The following ANKRD18A variants were observed in gnomAD, a reference collection of about 807,000 sequenced individuals.
The protein encoded by ANKRD18A is ankyrin repeat domain-containing protein 18A.
Under a neutral mutation model 110.6 loss-of-function variants are expected in ANKRD18A, and 72 were observed. The observed-to-expected ratio is 0.65, with a 90% CI of 0.54 to 0.79. The LOEUF is 0.79. Ranked by LOEUF, ANKRD18A falls within the 30% of genes least tolerant of loss-of-function variation. The pLI, the probability that ANKRD18A is intolerant of heterozygous loss-of-function variation, is 0.00. For missense variants in ANKRD18A, 934 were observed against 1,163.3 expected, an observed-to-expected ratio of 0.80 and a Z score of 2.87; for synonymous variants, 305 against 410.3, an observed-to-expected ratio of 0.74 and a Z score of 3.10.
intron 7 of ANKRD18A, 24 bp from the exon 8 acceptor site, chr9:38,601,228 A>G: frequency 6.5e-7 from 1 of 1,536,370 alleles, no homozygotes. Context: ...ATGTTTAGTT[A>G]AAATGAATGA....
chr9:38,580,134 T>A (rs1311659772), intron 12 of ANKRD18A, among the ~76,000 whole-genome samples: 2 of 152,218 alleles, frequency 1.3e-5, no homozygotes, highest in African/African-American at 2.4e-5. Context: ...CTGGGCAACA[T>A]GGCTGATGCC....
In ANKRD18A at chr9:38,601,047, C is replaced by G. The variant is rs899453777; in HGVS notation, c.936+84G>C. 16 of 1,198,378 alleles carry G rather than the reference C, an allele frequency of 1.3e-5. No homozygotes were observed. The Admixed American group carries it at 1.7e-4, about 13-fold the overall frequency. The allele number at this position is 1,198,378 out of a possible 1,614,324, so 74.2% of individuals were successfully genotyped here. ...ATTCTAAAAGGATAGTCTAAAAGGT[C>G]ACTTCATTTGGCCTATGCTATGTTA... On this transcript the variant is annotated intron_variant, in intron 8 of 15. Transcript: ENST00000399703.
chr9:38,589,744 T>A lies in ANKRD18A; in HGVS notation c.2005-1081A>T, dbSNP rs2993194. Among the ~76,000 whole-genome samples the A allele has an allele frequency of 1.5e-3, 221 of 151,950 alleles. 1 individual carries two copies. The highest frequency in any genetic ancestry group is 4.9e-3 in the African/African-American group (205 of 41,506). On this transcript the variant is annotated intron_variant, in intron 10 of 15. Transcript: ENST00000399703. The stretch of plus-strand genomic sequence containing the variant: ...AGATGGTGTTTCACAATGTTGGCCA[T>A]GCTGGTATTGAACTCCTTACCACAT...
At chr9:38,583,999 G>T (rs1824269422) in intron 12 of ANKRD18A, among the ~76,000 whole-genome samples, 1 of 152,238 alleles carries the variant, frequency 6.6e-6, no homozygotes, top group Non-Finnish European at 1.5e-5. Flanking sequence ...TGCACTGGGG[G>T]GATGGGGTGG....
chr9:38,574,231 A>T (rs1427029740), intron 15 of ANKRD18A, among the ~76,000 whole-genome samples: 1 of 152,112 alleles, frequency 6.6e-6, no homozygotes, highest in African/African-American at 2.4e-5. Context: ...AAAGGACATG[A>T]TTTTATTCTT....
At chr9:38,588,082 T>TG (rs1262512854) in intron 11 of ANKRD18A, among the ~76,000 whole-genome samples, 20 of 152,310 alleles carry the variant, frequency 1.3e-4, no homozygotes, top group Admixed American at 9.1e-4. Flanking sequence ...AGCCAGACTC[T>TG]GTCTCAAAAG....
At chr9:38,572,277 T>C in intron 15 of ANKRD18A, 3 of 388,376 alleles carry the variant, frequency 7.7e-6, no homozygotes, top group South Asian at 6.5e-5. Flanking sequence ...ATTCATGTAC[T>C]CAACAGCCAC....
Position 38,620,328 on chromosome 9 carries a change from G to A in ANKRD18A, c.-43C>T. On this transcript the variant is annotated 5_prime_UTR_variant, in exon 1 of 16. Coordinates refer to ENST00000399703, the MANE Select transcript of ANKRD18A (RefSeq NM_147195.4). ...CGCCCACCACCCGCTCCTGAGCCGCGGCGGCTCCTCGTGGCCTTTCCACCC... is the reference window on the plus strand; with the variant it reads ...CGCCCACCACCCGCTCCTGAGCCGCAGCGGCTCCTCGTGGCCTTTCCACCC... The A allele has an allele frequency of 1.3e-6, 2 of 1,529,734 alleles. No individual in the cohort carries two copies. Among genetic ancestry groups the A allele is most frequent in the Non-Finnish European group, 8.8e-7 (1 of 1,134,646 alleles). The allele number at this position is 1,529,734 out of a possible 1,614,324, so 94.8% of individuals were successfully genotyped here.
intron 7 of ANKRD18A, among the ~76,000 whole-genome samples, chr9:38,602,082 T>TC (rs1455309197): frequency 1.3e-5 from 2 of 150,210 alleles, no homozygotes; most frequent in African/African-American, 4.9e-5. Context: ...CACAGGTGTC[T>TC]CCTTTCTTGG....
At position 38,610,512 on chromosome 9, in the gene ANKRD18A, A is replaced by T. The variant is rs1825568209; in HGVS notation, c.603-102T>A. 2.3e-5 allele frequency: 33 copies of T among 1,437,694 alleles called. No individual in the cohort carries two copies. In the South Asian group the frequency reaches 2.4e-4, roughly 10 times the overall value. 89.1% of individuals were successfully genotyped at this position (1,437,694 alleles called of 1,614,324 possible). On this transcript the variant is annotated intron_variant, in intron 4 of 15. Coordinates refer to ENST00000399703, the MANE Select transcript of ANKRD18A (RefSeq NM_147195.4). The stretch of plus-strand genomic sequence containing the variant: ...AATTTCATATCTTGCCTGTCAGGAT[A>T]GACATAATAACCATTTACATGTACT...
intron 5 of ANKRD18A, among the ~76,000 whole-genome samples, 151 bp from the exon 6 acceptor site, chr9:38,607,644 A>G (rs2118851218): frequency 6.6e-6 from 1 of 152,334 alleles, no homozygotes; most frequent in East Asian, 1.9e-4. Context: ...TAAGCTCTAT[A>G]AACTTATTAA....
At chr9:38,569,094 A>C (rs1823546847), downstream of ANKRD18A, 1 of 985,160 alleles carries the variant, frequency 1.0e-6, no homozygotes. Context: ...GTCACTACCC[A>C]CCAAGGGGGG....
rs1283402857 is a variant in ANKRD18A at position 38,603,176 on chromosome 9, C to A, written c.845G>T (p.Arg282Ile). 1.3e-6 allele frequency: 2 copies of A among 1,550,880 alleles called. No individual in the cohort carries two copies. The highest frequency in any genetic ancestry group is 1.7e-6 in the Non-Finnish European group (2 of 1,146,588). ...AAMKPANLKK[R>I]KERAKAEHNL... ...TGTCTTACCTTTTGCACGTTCTTTT[C>A]TTTTTTTCAAATTTGCAGGCTTCAT... The change falls in exon 7 of 16, where the codon AGA (arginine) becomes ATA (isoleucine). Residue 282 changes from arginine to isoleucine, a missense_variant. Physicochemically the swap from Arg to Ile is moderately conservative, Grantham distance 97. Coordinates refer to ENST00000399703, the MANE Select transcript of ANKRD18A (RefSeq NM_147195.4).
intron 14 of ANKRD18A, 134 bp downstream of exon 14, chr9:38,576,919 T>C: frequency 4.1e-6 from 3 of 727,046 alleles, no homozygotes; most frequent in Non-Finnish European, 6.7e-6. Context: ...TTACTAACAT[T>C]ATTTTCCAAA....
chr9:38,576,278 G>T (rs1196288829), intron 14 of ANKRD18A, among the ~76,000 whole-genome samples: 4 of 152,160 alleles, frequency 2.6e-5, no homozygotes, highest in Non-Finnish European at 4.4e-5. Context: ...TTGGCACTGA[G>T]GAATAACTCA....
chr9:38,593,378 G>A (rs1324989894), intron 10 of ANKRD18A, among the ~76,000 whole-genome samples: 1 of 152,148 alleles, frequency 6.6e-6, no homozygotes, highest in Non-Finnish European at 1.5e-5. Flanking sequence ...ATTCACAAAA[G>A]TGAAGAAATA....
chr9:38,612,764 G>T (rs548830532), intron 3 of ANKRD18A, among the ~76,000 whole-genome samples: 34 of 152,002 alleles, frequency 2.2e-4, no homozygotes, highest in East Asian at 3.9e-4. Context: ...TGATCTGCCC[G>T]CCTCAGCCTC....
At chr9:38,568,017 T>G (rs1013531292), downstream of ANKRD18A, 3 of 152,342 alleles carry the variant, frequency 2.0e-5, no homozygotes, top group African/African-American at 7.2e-5. Context: ...CACCTCATCC[T>G]TCGCAGCCTT....
chr9:38,604,001 T>C (rs1470052589), intron 6 of ANKRD18A, among the ~76,000 whole-genome samples: 4 of 152,186 alleles, frequency 2.6e-5, no homozygotes, highest in African/African-American at 7.2e-5. Flanking sequence ...ACCCAGCTAA[T>C]AAAATATTAC....
Sources: gnomAD v4.1 joint callset for allele counts (sites outside exome capture counted in the v4.1 genomes callset) on GRCh38, gnomAD v4.1.1 for gene constraint, MANE v1.5 for transcripts, NCBI Gene and HGNC (gene_info 2026-07-23, HGNC 2026-07-21) for gene names.